Variants in AEN observed in about 807,000 individuals in gnomAD.
The protein encoded by AEN is apoptosis-enhancing nuclease.
In AEN, 21 loss-of-function variants were observed where a neutral mutation model predicts 17.7. The ratio of observed to expected loss-of-function variants is 1.19; its 90% confidence interval spans 0.84 to 1.71. The LOEUF (loss-of-function observed/expected upper bound fraction) is 1.71, where lower values mean the gene tolerates loss of function less well. Among genes scored for constraint, AEN ranks in the 40% most tolerant of loss-of-function variants. The pLI is 0.00. For missense variants in AEN, 462 were observed against 435.9 expected (o/e 1.06, Z -0.53); for synonymous variants, 190 against 173.0 (o/e 1.10, Z -0.77).
At position 88,627,055 on chromosome 15, in the gene AEN, A is replaced by G. The variant is rs114484275; in HGVS notation, c.540+306A>G. ...TTATAAAAGTTGTACGCATTGATAT[A>G]AAATTTGTAAAGCCCACAGTGGCAT... On this transcript the variant is annotated intron_variant, in intron 2 of 3. Coordinates refer to ENST00000332810, the MANE Select transcript of AEN (RefSeq NM_022767.4). 2,042 of 338,658 alleles carry G rather than the reference A, an allele frequency of 6.0e-3. 32 individuals are homozygous for G. Among genetic ancestry groups the G allele is most frequent in the African/African-American group, 0.039 (1,848 of 47,848 alleles). The allele number at this position is 338,658 out of a possible 1,614,324, so 21.0% of individuals were successfully genotyped here.
At chr15:88,613,002 A>G in the AEN span, among the ~76,000 whole-genome samples, 1 of 152,160 alleles carries the variant, frequency 6.6e-6, no homozygotes, top group African/African-American at 2.4e-5. Flanking sequence ...TTAATTTTCA[A>G]GCAACAAATC....
upstream of AEN, among the ~76,000 whole-genome samples, chr15:88,618,421 T>G (rs976213540): frequency 6.6e-6 from 1 of 152,226 alleles, no homozygotes; most frequent in African/African-American, 2.4e-5. Context: ...AAGGGTTAAT[T>G]TTTTTTCCTT....
the AEN span, among the ~76,000 whole-genome samples, chr15:88,614,627 C>T: frequency 1.3e-5 from 2 of 152,168 alleles, no homozygotes; most frequent in African/African-American, 4.8e-5. Flanking sequence ...GCCTGATTTC[C>T]AGCCCCACCC....
chr15:88,614,357 ACCCT>A, the AEN span, among the ~76,000 whole-genome samples: 1 of 151,520 alleles, frequency 6.6e-6, no homozygotes, highest in Admixed American at 6.6e-5. Context: ...CCACCACCAC[ACCCT>A]GGCTAATTAC....
At chr15:88,623,055 A>G (rs895733926) in intron 1 of AEN, among the ~76,000 whole-genome samples, 2 of 152,158 alleles carry the variant, frequency 1.3e-5, no homozygotes, top group Non-Finnish European at 2.9e-5. Context: ...CCTCACAGAG[A>G]AAGGAGGGGA....
At position 88,626,183 on chromosome 15, in the gene AEN, C is replaced by A; in HGVS notation, c.-27C>A. Reference sequence around the variant, plus strand: ...TTGGAAGATTACTCCCCAGGCTTCCCTTGCCCCAAGCAGTGAGCTGACTGG... The same window carrying A: ...TTGGAAGATTACTCCCCAGGCTTCCATTGCCCCAAGCAGTGAGCTGACTGG... On this transcript the variant is annotated 5_prime_UTR_variant, in exon 2 of 4. Coordinates refer to ENST00000332810, the MANE Select transcript of AEN (RefSeq NM_022767.4). The A allele has an allele frequency of 1.3e-6, 2 of 1,542,788 alleles. No homozygotes were observed. Among genetic ancestry groups the A allele is most frequent in the South Asian group, 1.2e-5 (1 of 80,380 alleles).
At chr15:88,613,281 C>T in the AEN span, among the ~76,000 whole-genome samples, 181 of 152,312 alleles carry the variant, frequency 1.2e-3, 4 homozygotes, top group South Asian at 0.033. Flanking sequence ...GCTCCCTATC[C>T]TACAAACTGG....
chr15:88,623,815 A>C (rs2057817198), intron 1 of AEN, among the ~76,000 whole-genome samples: 1 of 152,226 alleles, frequency 6.6e-6, no homozygotes, highest in Admixed American at 6.5e-5. Context: ...GGGCCACCAG[A>C]GTAGGAAACA....
the AEN span, among the ~76,000 whole-genome samples, chr15:88,607,423 G>A: frequency 6.6e-6 from 1 of 152,164 alleles, no homozygotes; most frequent in Non-Finnish European, 1.5e-5. Context: ...ATTTTCCAAA[G>A]GCAGCTGTAA....
the AEN span, chr15:88,611,745 C>T: frequency 2.8e-6 from 1 of 356,280 alleles, no homozygotes; most frequent in East Asian, 1.0e-4. Context: ...GGAGACAACG[C>T]CTCGCCTGAA....
At chr15:88,606,339 G>C in the AEN span, among the ~76,000 whole-genome samples, 2 of 151,706 alleles carry the variant, frequency 1.3e-5, no homozygotes, top group Non-Finnish European at 2.9e-5. Flanking sequence ...GAGGTAAGAA[G>C]CACATTTTAT....
the AEN span, chr15:88,611,884 T>G: frequency 1.7e-5 from 9 of 521,188 alleles, no homozygotes; most frequent in Admixed American, 1.8e-4. Flanking sequence ...GTTGTTGTCT[T>G]ACTGCGCTCA....
At chr15:88,609,040 C>G in the AEN span, among the ~76,000 whole-genome samples, 10 of 152,086 alleles carry the variant, frequency 6.6e-5, no homozygotes. Context: ...GATAACAGCC[C>G]GGAAGAAGTC....
In AEN at chr15:88,630,007, CAG is replaced by C. The variant is rs1567106361; in HGVS notation, c.742-50_742-49del. ...AAACTGGCCTTGCTTCTTGGGGTAA[CAG>C]GCCTCTCACTAGGCCTGCAGGCAGT... On this transcript the variant is annotated intron_variant, in intron 3 of 3. Transcript: ENST00000332810. The surrounding 1 kb of genome is among the most constrained non-coding windows in gnomAD (Gnocchi z 5.1). 1.3e-6 allele frequency: 2 copies of C among 1,574,058 alleles called. No individual in the cohort carries two copies. The highest frequency in any genetic ancestry group is 2.2e-5 in the South Asian group (2 of 89,784).
chr15:88,608,987 A>T, the AEN span, among the ~76,000 whole-genome samples: 16 of 152,158 alleles, frequency 1.1e-4, no homozygotes, highest in Non-Finnish European at 2.4e-4. Flanking sequence ...TCCCTAAAAG[A>T]GGGGAAGTCA....
At chr15:88,629,493 G>C (rs2057900137) in intron 3 of AEN, 67 bp downstream of exon 3, 2 of 1,563,168 alleles carry the variant, frequency 1.3e-6, no homozygotes, top group Non-Finnish European at 1.7e-6. Context: ...CTGAGCCACA[G>C]ACAAGGCTTT....
chr15:88,610,599 C>G, the AEN span, among the ~76,000 whole-genome samples: 1 of 152,108 alleles, frequency 6.6e-6, no homozygotes, highest in East Asian at 1.9e-4. Context: ...TAGGTATTGC[C>G]AGTCTTCTCC....
Position 88,630,692 on chromosome 15 carries a change from G to A in AEN, c.*398G>A. ...AAAGGGATCATATCATCCTCTCTGG[G>A]GATGGTGGGTGGGGGTGTCAATATC... On this transcript the variant is annotated 3_prime_UTR_variant, in exon 4 of 4. Coordinates refer to ENST00000332810, the MANE Select transcript of AEN (RefSeq NM_022767.4). This position sits in a 1 kb window ranked among gnomAD's most constrained non-coding sequence, Gnocchi z 5.1. 1 of 231,212 alleles carries A rather than the reference G, an allele frequency of 4.3e-6. No individual in the cohort carries two copies. The highest frequency in any genetic ancestry group is 8.8e-6 in the Non-Finnish European group (1 of 113,202). 14.3% of individuals were successfully genotyped at this position (231,212 alleles called of 1,614,324 possible).
At chr15:88,615,999 A>G in the AEN span, among the ~76,000 whole-genome samples, 1 of 152,148 alleles carries the variant, frequency 6.6e-6, no homozygotes, top group East Asian at 1.9e-4. Context: ...GGGGTCCTTG[A>G]AGTCAGAGCT....
Sources: allele counts gnomAD v4.1 joint callset (sites outside exome capture counted in the v4.1 genomes callset), GRCh38; gene constraint gnomAD v4.1.1; non-coding constraint Gnocchi (gnomAD v3.1); transcripts MANE v1.5; gene names NCBI Gene and HGNC (gene_info 2026-07-23, HGNC 2026-07-21).